Variants in ERC2 observed in about 807,000 individuals in gnomAD.
ERC2 encodes the protein ERC protein 2.
A neutral mutation model predicts 114.8 loss-of-function variants in ERC2; 42 were observed. That is an observed-to-expected ratio of 0.37 (90% CI 0.29 to 0.47). The LOEUF is 0.47. ERC2 is among the 20% of genes least tolerant of loss of function. The probability of loss-of-function intolerance (pLI) is 0.99; values close to 1 mark genes in which losing one functional copy is unlikely to be tolerated. For missense variants in ERC2, 939 were observed against 1,150.7 expected, an observed-to-expected ratio of 0.82 and a Z score of 2.66; for synonymous variants, 454 against 425.5, an observed-to-expected ratio of 1.07 and a Z score of -0.82.
intron 13 of ERC2, among the ~76,000 whole-genome samples, chr3:55,945,209 C>G (rs2149433970): frequency 6.6e-6 from 1 of 152,256 alleles, no homozygotes; most frequent in East Asian, 1.9e-4. Context: ...TGAAGCCTCC[C>G]TAAATCACTC....
At chr3:56,281,945 C>T (rs1462761816) in intron 3 of ERC2, among the ~76,000 whole-genome samples, 3 of 152,194 alleles carry the variant, frequency 2.0e-5, no homozygotes, top group Non-Finnish European at 4.4e-5. Context: ...GCAAAGGGTG[C>T]ATGAACTTGC....
intron 3 of ERC2, among the ~76,000 whole-genome samples, chr3:56,263,197 T>A (rs1576155489): frequency 6.6e-6 from 1 of 151,966 alleles, no homozygotes; most frequent in East Asian, 1.9e-4. Flanking sequence ...TTTACAAATA[T>A]AATATAAGAA....
chr3:56,238,327 T>C (rs989783558), intron 3 of ERC2, among the ~76,000 whole-genome samples: 3 of 152,210 alleles, frequency 2.0e-5, no homozygotes, highest in African/African-American at 4.8e-5. Context: ...GATAACTCTG[T>C]TGTCTCCCTT....
chr3:55,944,072 C>T (rs963727496), intron 13 of ERC2, among the ~76,000 whole-genome samples: 6 of 152,120 alleles, frequency 3.9e-5, no homozygotes, highest in African/African-American at 1.4e-4. Flanking sequence ...GCTTAGAAAG[C>T]CCCCTCAAAA....
chr3:55,568,675 C>T (rs2056521589), intron 17 of ERC2, among the ~76,000 whole-genome samples: 1 of 152,218 alleles, frequency 6.6e-6, no homozygotes, highest in African/African-American at 2.4e-5. Context: ...AATAGCCTTC[C>T]TGCCTTTGCC....
At chr3:56,338,429 G>A (rs545591255) in intron 2 of ERC2, among the ~76,000 whole-genome samples, 4 of 152,260 alleles carry the variant, frequency 2.6e-5, no homozygotes, top group African/African-American at 9.6e-5. Context: ...CTGTCTACTT[G>A]AGCCAAAATC....
chr3:56,044,659 TA>T (rs2075371138), intron 7 of ERC2, among the ~76,000 whole-genome samples: 1 of 152,256 alleles, frequency 6.6e-6, no homozygotes, highest in East Asian at 1.9e-4. Flanking sequence ...AAAATACTCA[TA>T]TTGCAGAAAA....
At chr3:55,706,747 C>T (rs2063512018) in intron 15 of ERC2, among the ~76,000 whole-genome samples, 1 of 152,036 alleles carries the variant, frequency 6.6e-6, no homozygotes, top group Non-Finnish European at 1.5e-5. Flanking sequence ...AGCTAAAACC[C>T]TAATCATAGT....
At chr3:56,020,192 A>G (rs2073608077) in intron 7 of ERC2, among the ~76,000 whole-genome samples, 1 of 152,170 alleles carries the variant, frequency 6.6e-6, no homozygotes, top group South Asian at 2.1e-4. Context: ...TTCAATCTGG[A>G]GGACATGGTC....
chr3:55,671,550 T>C (rs1221707128), intron 17 of ERC2, among the ~76,000 whole-genome samples: 1 of 152,198 alleles, frequency 6.6e-6, no homozygotes, highest in Non-Finnish European at 1.5e-5. Context: ...AGTTCCTTTT[T>C]ATTTGTCTCA....
chr3:56,066,932 T>C (rs1254082329), intron 7 of ERC2, among the ~76,000 whole-genome samples: 1 of 152,240 alleles, frequency 6.6e-6, no homozygotes. Flanking sequence ...ACTTGTACCA[T>C]GCTGTATTGG....
In ERC2 at chr3:55,591,159, G is replaced by A. The variant is rs532960419; in HGVS notation, c.*40-79883C>T. On this transcript the variant is annotated intron_variant, in intron 17 of 17. Transcript: ENST00000288221. ...CATAACTTTAAGGGGTAGAATTATG[G>A]TTGATTTTCACTTGTGTCTTTTAGC... 7.3e-5 allele frequency among the ~76,000 whole-genome samples: 11 copies of A among 150,520 alleles called. No individual in the cohort carries two copies. The East Asian group carries it at 1.3e-3, about 17-fold the overall frequency.
chr3:56,393,577 T>C (rs549940955), intron 2 of ERC2, among the ~76,000 whole-genome samples: 1 of 152,314 alleles, frequency 6.6e-6, no homozygotes, highest in Non-Finnish European at 1.5e-5. Context: ...GGAACTATCA[T>C]GCTAGACAAT....
In ERC2 at chr3:55,791,039, T is replaced by C. The variant is rs60753357; in HGVS notation, c.2565-56121A>G. On this transcript the variant is annotated intron_variant, in intron 14 of 17. Transcript: ENST00000288221. ...TTGTCAACCAGGGTCATCATGAGAC[T>C]CAAGGAGAACTGTTTAAAATTGCAG... is the stretch of plus-strand genomic sequence containing the variant. 6.3e-3 allele frequency among the ~76,000 whole-genome samples: 958 copies of C among 152,330 alleles called. 7 individuals are homozygous for C. The highest frequency in any genetic ancestry group is 0.022 in the African/African-American group (923 of 41,582).
intron 17 of ERC2, among the ~76,000 whole-genome samples, chr3:55,593,741 A>G (rs1302231987): frequency 6.6e-6 from 1 of 151,658 alleles, no homozygotes; most frequent in African/African-American, 2.4e-5. Context: ...AAATATCTGA[A>G]TCCTCTTGCT....
At position 55,823,241 on chromosome 3, in the gene ERC2, AGAGTTCACT is replaced by A. The variant is rs568635963; in HGVS notation, c.2564+65139_2564+65147del. Among the ~76,000 whole-genome samples the A allele has an allele frequency of 3.0e-3, 455 of 152,314 alleles. 4 individuals carry two copies. Among genetic ancestry groups the A allele is most frequent in the African/African-American group, 0.01 (433 of 41,568 alleles). On this transcript the variant is annotated intron_variant, in intron 14 of 17. Transcript: ENST00000288221. Reference sequence around the variant, plus strand: ...TCTGAGTGATTTGAAGTGACCTCAGAGAGTTCACTTGCTCCAAGGCTTTAAATTCCCATC... The same window carrying A: ...TCTGAGTGATTTGAAGTGACCTCAGATGCTCCAAGGCTTTAAATTCCCATC...
intron 5 of ERC2, 138 bp downstream of exon 5, chr3:56,148,839 C>T (rs1429144148): frequency 1.4e-5 from 10 of 732,470 alleles, no homozygotes; most frequent in African/African-American, 7.1e-5. Context: ...AAAAATCTTC[C>T]GCATTCTACT....
intron 16 of ERC2, among the ~76,000 whole-genome samples, chr3:55,684,848 A>T (rs1249666174): frequency 6.6e-6 from 1 of 152,194 alleles, no homozygotes; most frequent in African/African-American, 2.4e-5. Flanking sequence ...TGTGCCTTTT[A>T]ATAGGTCTCC....
chr3:56,323,615 G>C lies in ERC2; in HGVS notation c.658-27180C>G, dbSNP rs1438557758. ...GGTGTTGTTTTAAGTCACCAAGTTT[G>C]GGGCTGATTATTACACTGCAATAGA... is the stretch of plus-strand genomic sequence containing the variant. On this transcript the variant is annotated intron_variant, in intron 2 of 17. Coordinates refer to ENST00000288221, the MANE Select transcript of ERC2 (RefSeq NM_015576.3). 3.3e-5 allele frequency among the ~76,000 whole-genome samples: 5 copies of C among 152,154 alleles called. No homozygotes were observed. In the East Asian group the frequency reaches 9.6e-4, roughly 29 times the overall value.
Sources: gnomAD v4.1 joint callset for allele counts (sites outside exome capture counted in the v4.1 genomes callset) on GRCh38, gnomAD v4.1.1 for gene constraint, MANE v1.5 for transcripts, NCBI Gene and HGNC (gene_info 2026-07-23, HGNC 2026-07-21) for gene names.